Variants in PLD5 observed in about 807,000 individuals in gnomAD.
PLD5 encodes the protein phospholipase D family member 5, also known as inactive phospholipase D5.
Under a neutral mutation model 61.1 loss-of-function variants are expected in PLD5, and 36 were observed. The observed-to-expected ratio is 0.59, with a 90% CI of 0.45 to 0.78. PLD5 has a LOEUF of 0.78. PLD5 is among the 30% of genes least tolerant of loss of function. PLD5 has a pLI of 0.00. For synonymous variants in PLD5, 243 were observed against 242.8 expected (o/e 1.00, Z -0.01); for missense variants, 515 against 644.4 (o/e 0.80, Z 2.17).
intron 1 of PLD5, among the ~76,000 whole-genome samples, chr1:242,403,666 C>T (rs1333190974): frequency 2.0e-5 from 3 of 151,904 alleles, no homozygotes; most frequent in Non-Finnish European, 4.4e-5. Flanking sequence ...CAGAGTTTCA[C>T]CATGTTGGCC....
chr1:242,367,328 G>A (rs1053646013), intron 1 of PLD5, among the ~76,000 whole-genome samples: 1 of 152,122 alleles, frequency 6.6e-6, no homozygotes, highest in Non-Finnish European at 1.5e-5. Flanking sequence ...TAAGTCTAGA[G>A]GCAACAGAGA....
chr1:242,200,719 TC>T (rs1180068917), intron 5 of PLD5, among the ~76,000 whole-genome samples: 1 of 152,170 alleles, frequency 6.6e-6, no homozygotes, highest in Admixed American at 6.5e-5. Context: ...AGGACATTCT[TC>T]AATTAGCCTC....
At position 242,394,250 on chromosome 1, in the gene PLD5, GTA is replaced by G. The variant is rs562212099; in HGVS notation, c.190-46010_190-46009del. On this transcript the variant is annotated intron_variant, in intron 1 of 9. Coordinates refer to ENST00000536534, the MANE Select transcript of PLD5 (RefSeq NM_001372062.1). The stretch of plus-strand genomic sequence containing the variant: ...TGTATATATATGAGTATATATATGT[GTA>G]TATATATGAGTATGAGTATATATAT... Among the ~76,000 whole-genome samples, 271 of 92,840 alleles carry G rather than the reference GTA, an allele frequency of 2.9e-3. 50 individuals carry two copies. Among genetic ancestry groups the G allele is most frequent in the Non-Finnish European group, 4.1e-3 (202 of 49,358 alleles). 60.9% of individuals were successfully genotyped at this position (92,840 alleles called of 152,430 possible).
chr1:242,222,417 G>T (rs1670651095), intron 4 of PLD5, among the ~76,000 whole-genome samples: 1 of 152,158 alleles, frequency 6.6e-6, no homozygotes, highest in Non-Finnish European at 1.5e-5. Context: ...CAGAATGAAG[G>T]TGACCGTGGT....
intron 1 of PLD5, among the ~76,000 whole-genome samples, chr1:242,433,057 A>C (rs970599682): frequency 6.6e-6 from 1 of 152,180 alleles, no homozygotes; most frequent in Non-Finnish European, 1.5e-5. Context: ...AGCTATTGAA[A>C]ATACACAAAA....
intron 1 of PLD5, among the ~76,000 whole-genome samples, chr1:242,462,309 A>T (rs1038545605): frequency 6.6e-6 from 1 of 152,236 alleles, no homozygotes; most frequent in African/African-American, 2.4e-5. Flanking sequence ...GCAACCATAA[A>T]AAAGAATAAA....
At chr1:242,248,794 G>A (rs1327322521) in intron 4 of PLD5, among the ~76,000 whole-genome samples, 4 of 152,056 alleles carry the variant, frequency 2.6e-5, no homozygotes, top group African/African-American at 9.7e-5. Context: ...ACAAAATTGT[G>A]TATCTCCACA....
chr1:242,320,780 C>T (rs2580226), intron 2 of PLD5, among the ~76,000 whole-genome samples: 3 of 152,152 alleles, frequency 2.0e-5, no homozygotes, highest in Non-Finnish European at 4.4e-5. Context: ...CTGGGGAGCT[C>T]AAAATCTAAT....
At chr1:242,435,705 C>T (rs1665961048) in intron 1 of PLD5, among the ~76,000 whole-genome samples, 1 of 152,154 alleles carries the variant, frequency 6.6e-6, no homozygotes, top group Admixed American at 6.5e-5. Context: ...CTTGTATTTC[C>T]TAAAAGAGCA....
intron 1 of PLD5, among the ~76,000 whole-genome samples, chr1:242,414,812 CA>C (rs1664736122): frequency 6.6e-6 from 1 of 151,998 alleles, no homozygotes; most frequent in African/African-American, 2.4e-5. Flanking sequence ...CTATTGTTGG[CA>C]AAAGGCATCC....
intron 5 of PLD5, among the ~76,000 whole-genome samples, chr1:242,204,547 T>G (rs140596916): frequency 0.014 from 2,158 of 152,278 alleles, 24 homozygotes; most frequent in Middle Eastern, 0.024. Context: ...TAAGCAGTAG[T>G]GCCTCTGGCA....
chr1:242,477,713 A>G (rs1667642541), intron 1 of PLD5, among the ~76,000 whole-genome samples: 1 of 152,176 alleles, frequency 6.6e-6, no homozygotes, highest in Non-Finnish European at 1.5e-5. Flanking sequence ...TGGCAGGTGG[A>G]CAGGTGAGCC....
chr1:242,085,516 T>C lies in PLD5; in HGVS notation c.*4338A>G, dbSNP rs1264918602. 2 of 152,190 alleles carry C rather than the reference T, an allele frequency of 1.3e-5. No homozygotes were observed. Among genetic ancestry groups the C allele is most frequent in the African/African-American group, 4.8e-5 (2 of 41,438 alleles). 9.4% of individuals were successfully genotyped at this position (152,190 alleles called of 1,614,324 possible). ...ATTTAAGTCAATAAGGTGAAAATGG[T>C]AAGCAGCTATTTTGTTAACAACATA... On this transcript the variant is annotated 3_prime_UTR_variant, in exon 10 of 10. Coordinates refer to ENST00000536534, the MANE Select transcript of PLD5 (RefSeq NM_001372062.1).
intron 1 of PLD5, among the ~76,000 whole-genome samples, chr1:242,376,595 ACT>A (rs1242188948): frequency 6.6e-6 from 1 of 152,182 alleles, no homozygotes; most frequent in African/African-American, 2.4e-5. Flanking sequence ...GTTACTAAGA[ACT>A]CTGTTTTAAA....
intron 4 of PLD5, among the ~76,000 whole-genome samples, chr1:242,229,909 A>T (rs992921330): frequency 1.5e-4 from 18 of 123,432 alleles, no homozygotes; most frequent in African/African-American, 5.6e-4. Context: ...AATATTGATA[A>T]AAAAAAAAAA....
intron 3 of PLD5, among the ~76,000 whole-genome samples, chr1:242,280,345 T>C (rs1229531045): frequency 2.6e-5 from 4 of 152,310 alleles, no homozygotes; most frequent in Non-Finnish European, 4.4e-5. Flanking sequence ...AACCAAGCGC[T>C]GAGAACTAAA....
intron 5 of PLD5, chr1:242,192,102 C>CAA (rs1254053223): frequency 6.6e-6 from 1 of 152,226 alleles, no homozygotes; most frequent in Non-Finnish European, 1.5e-5. Context: ...CTCTGAGCTT[C>CAA]AAGCCTGTGT....
At chr1:242,354,751 T>A (rs1660663653) in intron 1 of PLD5, among the ~76,000 whole-genome samples, 1 of 151,962 alleles carries the variant, frequency 6.6e-6, no homozygotes, top group African/African-American at 2.4e-5. Context: ...TTGAGTATAA[T>A]GTTATCTGTG....
At chr1:242,492,641 T>C (rs7355168) in intron 1 of PLD5, among the ~76,000 whole-genome samples, 99,170 of 152,058 alleles carry the variant, frequency 0.65, 32,737 homozygotes, top group African/African-American at 0.74. Context: ...TGGTTTACTA[T>C]GTGTCTTAGT....
Sources: allele counts gnomAD v4.1 joint callset (sites outside exome capture counted in the v4.1 genomes callset), GRCh38; gene constraint gnomAD v4.1.1; transcripts MANE v1.5; gene names NCBI Gene and HGNC (gene_info 2026-07-23, HGNC 2026-07-21).